The following FBXO22 variants were observed in gnomAD, a reference collection of about 807,000 sequenced individuals.
FBXO22 encodes the protein F-box only protein 22.
Under a neutral mutation model 37.2 loss-of-function variants are expected in FBXO22, and 13 were observed. The ratio of observed to expected loss-of-function variants is 0.35; its 90% CI spans 0.23 to 0.56. The LOEUF (loss-of-function observed/expected upper bound fraction) is 0.56, where lower values mean the gene tolerates loss of function less well. Among genes scored for constraint, FBXO22 ranks in the 20% least tolerant of loss-of-function variants. The pLI is 0.87. For missense variants in FBXO22, 446 were observed against 509.9 expected, an observed-to-expected ratio of 0.87 and a Z score of 1.21; for synonymous variants, 189 against 189.1, an observed-to-expected ratio of 1.00 and a Z score of 0.00.
At chr15:75,904,239 C>A in intron 1 of FBXO22, 136 bp downstream of exon 1, 1 of 1,275,928 alleles carries the variant, frequency 7.8e-7, no homozygotes, top group Non-Finnish European at 1.0e-6. Flanking sequence ...CTGAGGTGAC[C>A]CCCTACCCGC....
intron 2 of FBXO22, among the ~76,000 whole-genome samples, chr15:75,908,706 C>T (rs1370598811): frequency 6.6e-6 from 1 of 152,182 alleles, no homozygotes; most frequent in African/African-American, 2.4e-5. Flanking sequence ...GAAAGGCTTG[C>T]CTCCGTTTAG....
At position 75,942,234 on chromosome 15, in the gene FBXO22, A is replaced by G. The variant is rs1398036852; in HGVS notation, c.*9132A>G. Reference sequence around the variant, plus strand: ...ACTGTATACAATACTATAATAGTGGATACATGACATTATATATTGGTCAAA... The same window carrying G: ...ACTGTATACAATACTATAATAGTGGGTACATGACATTATATATTGGTCAAA... On this transcript the variant is annotated 3_prime_UTR_variant, in exon 7 of 7. Transcript: ENST00000308275. The G allele has an allele frequency of 1.3e-5, 2 of 152,246 alleles. No individual in the cohort carries two copies. Among genetic ancestry groups the G allele is most frequent in the East Asian group, 3.9e-4 (2 of 5,174 alleles). 9.4% of individuals were successfully genotyped at this position (152,246 alleles called of 1,614,324 possible). A position where few individuals can be genotyped will look rare whatever the true frequency, so the allele number is the denominator to read the frequency against.
At chr15:75,920,266 G>C (rs1232268661) in intron 5 of FBXO22, among the ~76,000 whole-genome samples, 2 of 152,208 alleles carry the variant, frequency 1.3e-5, no homozygotes, top group African/African-American at 4.8e-5. Context: ...TTAGCAAATA[G>C]TAGGTCTGAA....
intron 6 of FBXO22, chr15:75,930,499 TG>T (rs1270193625): frequency 1.0e-6 from 1 of 984,142 alleles, no homozygotes; most frequent in Non-Finnish European, 1.2e-6. Flanking sequence ...CAAATGTGTT[TG>T]GTCACAAAAC....
At position 75,903,902 on chromosome 15, in the gene FBXO22, A is replaced by T; in HGVS notation, c.-62A>T. ...CAGTGCGCGCCGGCCGGGCAACCCT[A>T]TGCTGGCGTAATCGGGTTCCTCCGA... is the stretch of plus-strand genomic sequence containing the variant. On this transcript the variant is annotated 5_prime_UTR_variant, in exon 1 of 7. It removes an upstream start codon present in the reference 5' UTR. Transcript: ENST00000308275. 1 of 1,434,244 alleles carries T rather than the reference A, an allele frequency of 7.0e-7. No individual in the cohort carries two copies. The highest frequency in any genetic ancestry group is 1.4e-5 in the African/African-American group (1 of 69,832). The allele number at this position is 1,434,244 out of a possible 1,614,324, so 88.8% of individuals were successfully genotyped here. A position where few individuals can be genotyped will look rare whatever the true frequency, so the allele number is the denominator to read the frequency against.
At chr15:75,915,593 C>T (rs936532735) in intron 4 of FBXO22, among the ~76,000 whole-genome samples, 1 of 151,632 alleles carries the variant, frequency 6.6e-6, no homozygotes, top group East Asian at 2.0e-4. Context: ...TGGCAAAACC[C>T]CATCTCTACT....
intron 2 of FBXO22, among the ~76,000 whole-genome samples, chr15:75,907,105 G>A (rs1899946531): frequency 6.6e-6 from 1 of 152,088 alleles, no homozygotes; most frequent in Non-Finnish European, 1.5e-5. Context: ...TACCACAGCA[G>A]GCATGATTTT....
intron 6 of FBXO22, among the ~76,000 whole-genome samples, chr15:75,932,304 A>G (rs375525033): frequency 6.6e-6 from 1 of 152,246 alleles, no homozygotes; most frequent in African/African-American, 2.4e-5. Flanking sequence ...GTTAATGTAA[A>G]CAATAGCAGA....
At chr15:75,929,322 ATT>A (rs397776614) in intron 5 of FBXO22, among the ~76,000 whole-genome samples, 1,529 of 150,548 alleles carry the variant, frequency 0.01, 25 homozygotes, top group African/African-American at 0.035. Flanking sequence ...AAAAAAAAAA[ATT>A]TTTTTTAAAG....
At chr15:75,915,801 A>G (rs1900168809) in intron 4 of FBXO22, among the ~76,000 whole-genome samples, 1 of 151,800 alleles carries the variant, frequency 6.6e-6, no homozygotes, top group South Asian at 2.1e-4. Context: ...TCAGGAGGCT[A>G]AGGCAGGAGA....
At chr15:75,913,717 GTTAGAC>G (rs1191401660) in intron 3 of FBXO22, among the ~76,000 whole-genome samples, 3 of 152,198 alleles carry the variant, frequency 2.0e-5, no homozygotes, top group African/African-American at 7.2e-5. Context: ...CAGGTCCCAA[GTTAGAC>G]TTAGATAATG....
chr15:75,927,102 C>G (rs1362486330), intron 5 of FBXO22, among the ~76,000 whole-genome samples: 1 of 152,124 alleles, frequency 6.6e-6, no homozygotes, highest in Admixed American at 6.6e-5. Context: ...TTTTGCCTTT[C>G]CTGGTCGGGG....
intron 2 of FBXO22, among the ~76,000 whole-genome samples, chr15:75,908,031 C>T (rs1323751268): frequency 6.6e-6 from 1 of 152,120 alleles, no homozygotes; most frequent in African/African-American, 2.4e-5. Flanking sequence ...AATGTGGTGT[C>T]AGCTGTCTTA....
intron 2 of FBXO22, among the ~76,000 whole-genome samples, chr15:75,910,775 C>T (rs764961852): frequency 6.6e-6 from 1 of 152,158 alleles, no homozygotes; most frequent in African/African-American, 2.4e-5. Context: ...TAATTAGCTC[C>T]TATTTGTCAA....
Position 75,934,420 on chromosome 15 carries a change from T to C in FBXO22, c.*1318T>C, listed in dbSNP as rs2030189545. 1 of 152,250 alleles carries C rather than the reference T, an allele frequency of 6.6e-6. No homozygotes were observed. The highest frequency in any genetic ancestry group is 2.1e-4 in the South Asian group (1 of 4,832). The allele number at this position is 152,250 out of a possible 1,614,324, so 9.4% of individuals were successfully genotyped here. ...TCCATCTAATACAGTATGATGTAACTAATGTTACTTTTGTAACAGTCAGTG... is the reference window on the plus strand; with the variant it reads ...TCCATCTAATACAGTATGATGTAACCAATGTTACTTTTGTAACAGTCAGTG... On this transcript the variant is annotated 3_prime_UTR_variant, in exon 7 of 7. Transcript: ENST00000308275.
chr15:75,913,240 CT>C lies in FBXO22; in HGVS notation c.318del (p.Asp107IlefsTer43). 6.2e-7 allele frequency: 1 copy of C among 1,610,640 alleles called. No homozygotes were observed. ...TTACCACATACAGTTCTTTACATGGCTGATTCAGAAACTTTCATTAGTCTGG... is the reference window on the plus strand; with the variant it reads ...TTACCACATACAGTTCTTTACATGGCGATTCAGAAACTTTCATTAGTCTGG... ...RILPHTVLYM[A>X]DSETFISLEE... On this transcript the variant is annotated frameshift_variant, in exon 3 of 7. Coordinates refer to ENST00000308275, the MANE Select transcript of FBXO22 (RefSeq NM_147188.3). LOFTEE classifies it high-confidence loss of function.
intron 6 of FBXO22, chr15:75,930,605 CT>C: frequency 2.0e-6 from 2 of 985,516 alleles, no homozygotes; most frequent in South Asian, 9.4e-5. Context: ...AATTGTGGAT[CT>C]TTTTTGTTAC....
intron 2 of FBXO22, among the ~76,000 whole-genome samples, chr15:75,908,011 T>C (rs1047652600): frequency 6.6e-6 from 1 of 152,178 alleles, no homozygotes; most frequent in African/African-American, 2.4e-5. Flanking sequence ...GTAACTTCTT[T>C]GAACAGTGGA....
At chr15:75,930,836 G>T in intron 6 of FBXO22, 1 of 985,316 alleles carries the variant, frequency 1.0e-6, no homozygotes, top group Non-Finnish European at 1.2e-6. Flanking sequence ...TTGCATCCTA[G>T]AGTGGTGACA....
Sources: allele counts gnomAD v4.1 joint callset (sites outside exome capture counted in the v4.1 genomes callset), GRCh38; gene constraint gnomAD v4.1.1; transcripts MANE v1.5; gene names NCBI Gene and HGNC (gene_info 2026-07-23, HGNC 2026-07-21).